RBFOX1: variants seen among roughly 807,000 people sequenced by gnomAD.
RBFOX1 encodes RNA binding fox-1 homolog 1, also known as RNA binding protein fox-1 homolog 1.
In RBFOX1, 8 loss-of-function variants were observed where a neutral mutation model predicts 57.7. The ratio of observed to expected loss-of-function variants is 0.14; its 90% CI spans 0.08 to 0.25. The LOEUF (loss-of-function observed/expected upper bound fraction) is 0.25. RBFOX1 is among the 10% of genes least tolerant of loss of function. The pLI, the probability that RBFOX1 is intolerant of heterozygous loss-of-function variation, is 1.00. For missense variants in RBFOX1, 611 were observed against 548.5 expected (o/e 1.11, Z -1.14); for synonymous variants, 326 against 222.4 (o/e 1.47, Z -4.15).
intron 4 of RBFOX1, among the ~76,000 whole-genome samples, chr16:7,221,187 A>T (rs2092699825): frequency 6.6e-6 from 1 of 152,136 alleles, no homozygotes; most frequent in East Asian, 1.9e-4. Context: ...AGTGTGAATT[A>T]AAACAGCTGC....
intron 2 of RBFOX1, among the ~76,000 whole-genome samples, chr16:6,390,848 G>T (rs1376965909): frequency 6.6e-6 from 1 of 152,090 alleles, no homozygotes; most frequent in Non-Finnish European, 1.5e-5. Context: ...GAAAGAGCCG[G>T]GCCAGGGTTG....
intron 2 of RBFOX1, among the ~76,000 whole-genome samples, chr16:6,465,436 G>A (rs998052762): frequency 3.9e-5 from 6 of 152,274 alleles, no homozygotes; most frequent in East Asian, 3.9e-4. Context: ...GCATGTTAAT[G>A]TATATCCTTT....
intron 3 of RBFOX1, among the ~76,000 whole-genome samples, chr16:6,685,441 AAT>A (rs2059298686): frequency 1.6e-5 from 1 of 60,744 alleles, no homozygotes; most frequent in Admixed American, 2.0e-4. Context: ...ATACCCAGCT[AAT>A]TTTTTTTTTT....
chr16:6,267,260 T>A (rs1465415656), intron 1 of RBFOX1, among the ~76,000 whole-genome samples: 1 of 152,204 alleles, frequency 6.6e-6, no homozygotes, highest in Non-Finnish European at 1.5e-5. Flanking sequence ...GTCAGAGATA[T>A]TAATTTAAAT....
intron 1 of RBFOX1, among the ~76,000 whole-genome samples, chr16:6,228,485 A>T (rs768142543): frequency 2.6e-5 from 4 of 152,150 alleles, no homozygotes; most frequent in Non-Finnish European, 2.9e-5. Flanking sequence ...CAGCCTTCAA[A>T]AAAGAAGGAA....
chr16:5,613,377 C>A (rs536662945), intron 3 of RBFOX1, among the ~76,000 whole-genome samples: 11 of 152,084 alleles, frequency 7.2e-5, no homozygotes, highest in African/African-American at 2.7e-4. Context: ...TATTTCTGTA[C>A]GTGGGTGCAA....
Position 6,450,765 on chromosome 16 carries a change from G to GTATATATATATATACATATATA in RBFOX1, c.-64+133709_-64+133710insATATATATATATACATATATAT, listed in dbSNP as rs1303973736. Among the ~76,000 whole-genome samples, 109 of 19,448 alleles carry GTATATATATATATACATATATA rather than the reference G, an allele frequency of 5.6e-3. 13 individuals are homozygous for GTATATATATATATACATATATA. The highest frequency in any genetic ancestry group is 0.021 in the African/African-American group (104 of 4,894). 12.8% of individuals were successfully genotyped at this position (19,448 alleles called of 152,430 possible). A position where few individuals can be genotyped will look rare whatever the true frequency, so the allele number is the denominator to read the frequency against. ...TTTATATATATATACATATATATAT[G>GTATATATATATATACATATATA]TGTATATATATATATATATATATAC... is the stretch of plus-strand genomic sequence containing the variant. On this transcript the variant is annotated intron_variant, in intron 2 of 15. Coordinates refer to ENST00000550418, the MANE Select transcript of RBFOX1 (RefSeq NM_018723.4).
chr16:6,610,193 A>G (rs553784761), intron 2 of RBFOX1, among the ~76,000 whole-genome samples: 2 of 152,268 alleles, frequency 1.3e-5, no homozygotes, highest in South Asian at 2.1e-4. Context: ...CTAAATTATC[A>G]TTCTGCTGAG....
chr16:6,195,192 A>T lies in RBFOX1; in HGVS notation c.-126-121803A>T, dbSNP rs532115525. Reference sequence around the variant, plus strand: ...ATTTTCCTTTATAAAATGCCTTCTTACCTACCGCCTTTTTATCCCCATTAT... The same window carrying T: ...ATTTTCCTTTATAAAATGCCTTCTTTCCTACCGCCTTTTTATCCCCATTAT... On this transcript the variant is annotated intron_variant, in intron 1 of 15. Coordinates refer to ENST00000550418, the MANE Select transcript of RBFOX1 (RefSeq NM_018723.4). 1.2e-3 allele frequency among the ~76,000 whole-genome samples: 183 copies of T among 152,288 alleles called. 3 individuals carry two copies. In the South Asian group the frequency reaches 0.037, roughly 31 times the overall value.
chr16:6,078,721 A>C (rs190730769), intron 1 of RBFOX1, among the ~76,000 whole-genome samples: 20 of 152,306 alleles, frequency 1.3e-4, no homozygotes, highest in African/African-American at 4.6e-4. Flanking sequence ...GGTACCACAA[A>C]TGGTAGCTAT....
chr16:7,068,096 G>C (rs913936092), intron 4 of RBFOX1, among the ~76,000 whole-genome samples: 3 of 151,656 alleles, frequency 2.0e-5, no homozygotes, highest in African/African-American at 4.8e-5. Flanking sequence ...CTGCTTTTAA[G>C]GGTTCATGTG....
At chr16:6,007,938 T>G (rs1006033212) in intron 4 of RBFOX1, among the ~76,000 whole-genome samples, 4 of 152,102 alleles carry the variant, frequency 2.6e-5, no homozygotes, top group African/African-American at 7.2e-5. Context: ...ATGGGCCAGG[T>G]GCAGTGGCTC....
chr16:6,734,375 G>A lies in RBFOX1; in HGVS notation c.-16+79725G>A, dbSNP rs114526758. ...TTCACAAGATTGCTAATCATTGATC[G>A]TAACAGCTCTAATTTACTGAACACT... On this transcript the variant is annotated intron_variant, in intron 3 of 15. Transcript: ENST00000550418. Among the ~76,000 whole-genome samples, 808 of 152,264 alleles carry A rather than the reference G, an allele frequency of 5.3e-3. 9 individuals are homozygous for A. Among genetic ancestry groups the A allele is most frequent in the African/African-American group, 0.018 (752 of 41,544 alleles).
intron 3 of RBFOX1, among the ~76,000 whole-genome samples, chr16:6,728,950 C>A (rs2067889643): frequency 6.6e-6 from 1 of 152,104 alleles, no homozygotes; most frequent in African/African-American, 2.4e-5. Context: ...TGTATACATA[C>A]ACACACTTTT....
In RBFOX1 at chr16:7,624,481, C is replaced by T. The variant is rs186168651; in HGVS notation, c.677-6122C>T. ...TGTTACTGAACCTATGAGCACTAAA[C>T]GTGATAACATGTCATCCTCTGGAAA... is the stretch of plus-strand genomic sequence containing the variant. On this transcript the variant is annotated intron_variant, in intron 10 of 15. Transcript: ENST00000550418. 9.0e-3 allele frequency among the ~76,000 whole-genome samples: 1,363 copies of T among 152,268 alleles called. 19 individuals are homozygous for T. Among genetic ancestry groups the T allele is most frequent in the Non-Finnish European group, 0.014 (957 of 68,008 alleles).
chr16:7,211,635 T>C (rs12599681), intron 4 of RBFOX1, among the ~76,000 whole-genome samples: 25,781 of 152,052 alleles, frequency 0.17, 2,340 homozygotes, highest in East Asian at 0.36. Flanking sequence ...GCAAGGGTAA[T>C]GTATTGCATT....
At chr16:6,528,712 A>C (rs2096615682) in intron 2 of RBFOX1, among the ~76,000 whole-genome samples, 1 of 152,118 alleles carries the variant, frequency 6.6e-6, no homozygotes, top group African/African-American at 2.4e-5. Context: ...TCCAGTATTG[A>C]TATTTGGGAC....
intron 1 of RBFOX1, among the ~76,000 whole-genome samples, chr16:5,294,858 C>G (rs2063623729): frequency 6.6e-6 from 1 of 151,124 alleles, no homozygotes; most frequent in Non-Finnish European, 1.5e-5. Context: ...TGAGAAAACC[C>G]CATCTCTACC....
chr16:7,362,440 C>T (rs561931334), intron 4 of RBFOX1, among the ~76,000 whole-genome samples: 13 of 148,520 alleles, frequency 8.8e-5, no homozygotes, highest in Admixed American at 2.0e-4. Context: ...GTGTGTTCTG[C>T]GTGTACGTAG....
Sources: allele counts gnomAD v4.1 joint callset (sites outside exome capture counted in the v4.1 genomes callset), GRCh38; gene constraint gnomAD v4.1.1; transcripts MANE v1.5; gene names NCBI Gene and HGNC (gene_info 2026-07-23, HGNC 2026-07-21).